DDHD1: variants seen among roughly 807,000 people sequenced by gnomAD.
The protein encoded by DDHD1 is phospholipase DDHD1.
Under a neutral mutation model 96.4 loss-of-function variants are expected in DDHD1, and 49 were observed. That is an observed-to-expected ratio of 0.51 (90% CI 0.40 to 0.64). The LOEUF is 0.64. Ranked by LOEUF, DDHD1 falls within the 30% of genes least tolerant of loss-of-function variation. The pLI is 0.00. For missense variants in DDHD1, 1,106 were observed against 1,161.2 expected (o/e 0.95, Z 0.69); for synonymous variants, 442 against 446.5 (o/e 0.99, Z 0.13).
intron 2 of DDHD1, among the ~76,000 whole-genome samples, chr14:53,094,306 G>C (rs1243223053): frequency 1.3e-5 from 2 of 152,272 alleles, no homozygotes; most frequent in East Asian, 3.9e-4. Flanking sequence ...GGATAGTAAA[G>C]CCAATAATTA....
Position 53,062,993 on chromosome 14 carries a change from C to T in DDHD1, c.1716G>A (p.Met572Ile), listed in dbSNP as rs764262738. 1 of 1,614,008 alleles carries T rather than the reference C, an allele frequency of 6.2e-7. No individual in the cohort carries two copies. Among genetic ancestry groups the T allele is most frequent in the East Asian group, 2.2e-5 (1 of 44,866 alleles). The change falls in exon 7 of 13, where the codon ATG becomes ATA. Residue 572 changes from methionine to isoleucine, a missense_variant. By Grantham distance (10) the Met-to-Ile change is conservative (BLOSUM62 1). This residue lies in a region of DDHD1 where 650 missense variants were observed against 758.8 expected (regional missense o/e 0.86). Transcript: ENST00000673822. Reference protein sequence around the residue: ...KEEELPDERWMSYEERHLLDE... With the variant: ...KEEELPDERWISYEERHLLDE... ...CAAGAAGATGTCGTTCTTCATAGCTCATCCATCGTTCATCAGGCAACTCTT... is the reference window on the plus strand; with the variant it reads ...CAAGAAGATGTCGTTCTTCATAGCTTATCCATCGTTCATCAGGCAACTCTT...
chr14:53,113,219 C>T lies in DDHD1; in HGVS notation c.839-9363G>A, dbSNP rs535117115. 1.0e-3 allele frequency among the ~76,000 whole-genome samples: 155 copies of T among 151,994 alleles called. No individual in the cohort carries two copies. In the Middle Eastern group the frequency reaches 0.01, roughly 10 times the overall value. ...CTGACCTCAAGTGATCTGCCTGCTT[C>T]GGCCTCCCAAAGTGCTGGGATTACA... On this transcript the variant is annotated intron_variant, in intron 1 of 12. Coordinates refer to ENST00000673822, the MANE Select transcript of DDHD1 (RefSeq NM_001160148.2).
At chr14:53,135,811 G>A (rs1022167138) in intron 1 of DDHD1, among the ~76,000 whole-genome samples, 5 of 152,268 alleles carry the variant, frequency 3.3e-5, no homozygotes, top group Middle Eastern at 3.4e-3. Flanking sequence ...TAGAAAATCA[G>A]ACAAAATATA....
chr14:53,129,526 T>A (rs1228244739), intron 1 of DDHD1, among the ~76,000 whole-genome samples: 2 of 152,074 alleles, frequency 1.3e-5, no homozygotes, highest in African/African-American at 4.8e-5. Flanking sequence ...GCCTGCCTGA[T>A]TATTCACCCA....
chr14:53,127,048 T>C (rs1889499077), intron 1 of DDHD1, among the ~76,000 whole-genome samples: 1 of 152,182 alleles, frequency 6.6e-6, no homozygotes, highest in African/African-American at 2.4e-5. Context: ...AAATTCATAA[T>C]GCTAACAAGC....
chr14:53,082,228 G>C (rs1203615857), intron 4 of DDHD1, among the ~76,000 whole-genome samples: 1 of 151,994 alleles, frequency 6.6e-6, no homozygotes, highest in Non-Finnish European at 1.5e-5. Flanking sequence ...ACTTCATATT[G>C]TAAGAAGAGA....
At chr14:53,082,858 C>G (rs891278970) in intron 4 of DDHD1, among the ~76,000 whole-genome samples, 8 of 151,314 alleles carry the variant, frequency 5.3e-5, no homozygotes, top group African/African-American at 1.9e-4. Context: ...CAGTCTTGAA[C>G]TCTTGGGCTC....
At position 53,095,219 on chromosome 14, in the gene DDHD1, T is replaced by C. The variant is rs546372758; in HGVS notation, c.1013-1775A>G. Among the ~76,000 whole-genome samples the C allele has an allele frequency of 2.2e-4, 34 of 152,342 alleles. 1 individual carries two copies. The South Asian group carries it at 7.0e-3, about 32-fold the overall frequency. Reference sequence around the variant, plus strand: ...AGAAAGCTAAGTACCTTCAAATCACTATGCTTGATTTATTTTCTTAAAATT... The same window carrying C: ...AGAAAGCTAAGTACCTTCAAATCACCATGCTTGATTTATTTTCTTAAAATT... On this transcript the variant is annotated intron_variant, in intron 2 of 12. Coordinates refer to ENST00000673822, the MANE Select transcript of DDHD1 (RefSeq NM_001160148.2).
intron 1 of DDHD1, among the ~76,000 whole-genome samples, chr14:53,112,777 C>A (rs541103344): frequency 6.6e-6 from 1 of 152,202 alleles, no homozygotes; most frequent in South Asian, 2.1e-4. Flanking sequence ...CCTACACATT[C>A]TTTATTATTG....
intron 1 of DDHD1, among the ~76,000 whole-genome samples, chr14:53,150,517 C>T (rs1019015460): frequency 6.6e-6 from 1 of 152,110 alleles, no homozygotes; most frequent in African/African-American, 2.4e-5. Context: ...AGTGAAGTAC[C>T]ACGCAGGCAT....
intron 4 of DDHD1, among the ~76,000 whole-genome samples, chr14:53,085,498 G>C (rs1211879700): frequency 1.3e-5 from 2 of 152,164 alleles, no homozygotes; most frequent in African/African-American, 4.8e-5. Flanking sequence ...GTAATACCCA[G>C]GCAAACAGGG....
chr14:53,074,860 A>C (rs112389134), intron 4 of DDHD1, among the ~76,000 whole-genome samples: 229 of 152,254 alleles, frequency 1.5e-3, no homozygotes, highest in African/African-American at 5.3e-3. Context: ...GCATTTTTCC[A>C]ACAGCATGTG....
chr14:53,050,461 T>C (rs1400552936), intron 12 of DDHD1, among the ~76,000 whole-genome samples: 2 of 152,122 alleles, frequency 1.3e-5, no homozygotes, highest in African/African-American at 4.8e-5. Context: ...GATTGAGACC[T>C]TTCTCCAGGT....
intron 1 of DDHD1, among the ~76,000 whole-genome samples, chr14:53,146,652 T>C (rs1165040662): frequency 6.6e-6 from 1 of 152,236 alleles, no homozygotes; most frequent in Non-Finnish European, 1.5e-5. Flanking sequence ...TCCAATTTTT[T>C]ACCACCTTGA....
chr14:53,133,333 G>A (rs1237228238), intron 1 of DDHD1, among the ~76,000 whole-genome samples: 2 of 152,120 alleles, frequency 1.3e-5, no homozygotes, highest in Admixed American at 6.5e-5. Flanking sequence ...TTTCCCACAC[G>A]GTCTGAGAAG....
At chr14:53,070,018 C>T (rs140136063) in intron 6 of DDHD1, among the ~76,000 whole-genome samples, 365 of 152,178 alleles carry the variant, frequency 2.4e-3, no homozygotes, top group African/African-American at 8.4e-3. Context: ...GTTATCTTTC[C>T]ACATATAAGA....
intron 1 of DDHD1, among the ~76,000 whole-genome samples, chr14:53,120,199 A>G (rs937576668): frequency 5.9e-5 from 9 of 151,726 alleles, no homozygotes; most frequent in African/African-American, 2.2e-4. Flanking sequence ...CCTATTCACA[A>G]TTGCTAGAAG....
intron 4 of DDHD1, among the ~76,000 whole-genome samples, chr14:53,082,496 C>A (rs1439983753): frequency 6.9e-6 from 1 of 145,618 alleles, no homozygotes; most frequent in African/African-American, 2.6e-5. Context: ...TGGTGGCTCA[C>A]GCCTGTGATC....
chr14:53,152,129 C>CATGTGTA, intron 1 of DDHD1, 132 bp downstream of exon 1: 1 of 912,154 alleles, frequency 1.1e-6, no homozygotes, highest in Non-Finnish European at 1.6e-6. Flanking sequence ...TGCTCAATCT[C>CATGTGTA]CATCCTGCCC....
Sources: gnomAD v4.1 joint callset for allele counts (sites outside exome capture counted in the v4.1 genomes callset) on GRCh38, gnomAD v4.1.1 for gene constraint, gnomAD v4.1.1 regional missense constraint, MANE v1.5 for transcripts, NCBI Gene and HGNC (gene_info 2026-07-23, HGNC 2026-07-21) for gene names.